The following TCF20 variants were observed in gnomAD, a reference collection of about 807,000 sequenced individuals.
The protein encoded by TCF20 is transcription factor 20.
TCF20 carries 3 observed loss-of-function variants against 148.6 expected under a neutral mutation model. The ratio of observed to expected loss-of-function variants is 0.02; its 90% CI spans 0.01 to 0.05. The LOEUF (loss-of-function observed/expected upper bound fraction) is 0.05. Ranked by LOEUF, TCF20 falls within the 10% of genes least tolerant of loss-of-function variation. The probability of loss-of-function intolerance (pLI) is 1.00; values close to 1 mark genes in which losing one functional copy is unlikely to be tolerated. For missense variants in TCF20, 2,350 were observed against 2,429.3 expected (o/e 0.97, Z 0.69); for synonymous variants, 1,049 against 909.5 (o/e 1.15, Z -2.76).
intron 1 of TCF20, among the ~76,000 whole-genome samples, chr22:42,225,025 A>T (rs1922744400): frequency 7.2e-6 from 1 of 139,244 alleles, no homozygotes; most frequent in South Asian, 2.3e-4. Flanking sequence ...TTTGAGACAG[A>T]GTCTTACACT....
At chr22:42,227,803 C>T (rs1923048642) in intron 1 of TCF20, among the ~76,000 whole-genome samples, 2 of 152,184 alleles carry the variant, frequency 1.3e-5, no homozygotes, top group African/African-American at 4.8e-5. Context: ...CAATACCAGA[C>T]ACATGGTGCT....
upstream of TCF20, among the ~76,000 whole-genome samples, chr22:42,272,372 C>A (rs1926655089): frequency 6.6e-6 from 1 of 152,176 alleles, no homozygotes; most frequent in Non-Finnish European, 1.5e-5. Flanking sequence ...GTGTTGGGGG[C>A]ACCCTTAATT....
Position 42,211,451 on chromosome 22 carries a change from A to G in TCF20, c.3855T>C (p.Leu1285=), listed in dbSNP as rs1920961292. Residue 1285 remains leucine, a synonymous_variant, in exon 2 of 6, where the codon CTT becomes CTC. Transcript: ENST00000677622. ...TATCAGCGCCTTCTTTTGATGAGTG[A>G]AGGAGGCGACCTTTATCTTCAGTGC... The part of the protein sequence containing the change: ...NSSTEDKGRL[L]HSSKEGADKA... 1.9e-6 allele frequency: 3 copies of G among 1,614,046 alleles called. No individual in the cohort carries two copies. The highest frequency in any genetic ancestry group is 2.2e-5 in the East Asian group (1 of 44,892).
At chr22:42,229,404 T>A (rs1923198354) in intron 1 of TCF20, among the ~76,000 whole-genome samples, 1 of 152,228 alleles carries the variant, frequency 6.6e-6, no homozygotes, top group South Asian at 2.1e-4. Flanking sequence ...GTAACTTCCA[T>A]AAACAGCAAA....
intron 2 of TCF20, among the ~76,000 whole-genome samples, chr22:42,206,363 C>T (rs189502274): frequency 6.6e-6 from 1 of 152,198 alleles, no homozygotes; most frequent in Admixed American, 6.5e-5. Flanking sequence ...CCAGACCAGC[C>T]TGGCCAACAT....
intron 5 of TCF20, among the ~76,000 whole-genome samples, chr22:42,166,797 A>C (rs1569095731): frequency 6.6e-6 from 1 of 152,146 alleles, no homozygotes; most frequent in Non-Finnish European, 1.5e-5. Flanking sequence ...CTCTTTCCTT[A>C]ACCAGGTCTT....
chr22:42,245,409 C>T (rs964968722), intron 1 of TCF20, among the ~76,000 whole-genome samples: 3 of 152,122 alleles, frequency 2.0e-5, no homozygotes, highest in Non-Finnish European at 2.9e-5. Context: ...CTACTCATCT[C>T]GGCCCTGCAA....
chr22:42,277,539 G>A (rs1393195069), intron 1 of TCF20, among the ~76,000 whole-genome samples: 2 of 152,172 alleles, frequency 1.3e-5, no homozygotes, highest in Admixed American at 1.3e-4. Context: ...CAGAGGGCAC[G>A]GCATGGGCAA....
intron 1 of TCF20, among the ~76,000 whole-genome samples, chr22:42,315,525 C>G (rs902913644): frequency 1.3e-5 from 2 of 152,226 alleles, no homozygotes; most frequent in Non-Finnish European, 2.9e-5. Flanking sequence ...ATTCACTCAA[C>G]AAACTTTCAC....
upstream of TCF20, among the ~76,000 whole-genome samples, chr22:42,273,226 G>T (rs557751029): frequency 6.6e-6 from 1 of 151,830 alleles, no homozygotes; most frequent in South Asian, 2.1e-4. Flanking sequence ...TGGGCGTGGT[G>T]GCGGGCGCCT....
chr22:42,336,565 C>T (rs1928071499), intron 1 of TCF20, among the ~76,000 whole-genome samples: 1 of 152,158 alleles, frequency 6.6e-6, no homozygotes, highest in Non-Finnish European at 1.5e-5. Flanking sequence ...AAACCTGCTA[C>T]TGAGACCCTC....
intron 1 of TCF20, among the ~76,000 whole-genome samples, chr22:42,315,023 T>C (rs1051014095): frequency 1.3e-5 from 2 of 151,838 alleles, no homozygotes; most frequent in Non-Finnish European, 2.9e-5. Context: ...AAGTAAGAGG[T>C]GGCAGGAAAT....
At chr22:42,208,260 T>G (rs1428030376) in intron 2 of TCF20, among the ~76,000 whole-genome samples, 5 of 152,130 alleles carry the variant, frequency 3.3e-5, no homozygotes. Context: ...TGATTATTCT[T>G]TAAAAGTCAG....
In TCF20 at chr22:42,317,450, C is replaced by T. The variant is rs1569208121; in HGVS notation, c.-37+26029G>A. Among the ~76,000 whole-genome samples the T allele has an allele frequency of 1.3e-5, 2 of 152,174 alleles. No homozygotes were observed. Among genetic ancestry groups the T allele is most frequent in the Non-Finnish European group, 2.9e-5 (2 of 68,030 alleles). On this transcript the variant is annotated intron_variant, in intron 1 of 1. Transcript: ENST00000515426. The surrounding 1 kb of genome is among the most constrained non-coding windows in gnomAD (Gnocchi z 4.2). ...ACAGATGACGGAAAATCTCCTTTTC[C>T]TCCCACTATGTCTGGCCCACCAAGC...
chr22:42,230,021 C>T (rs1923255426), intron 1 of TCF20, among the ~76,000 whole-genome samples: 1 of 152,228 alleles, frequency 6.6e-6, no homozygotes, highest in Non-Finnish European at 1.5e-5. Context: ...TGCATTTCAG[C>T]ATCTTACTGA....
rs1407704082 is a variant in TCF20 at position 42,250,914 on chromosome 22, A to AAG, written c.-37+19423_-37+19424dup. ...GCACATCACATGATGAGGACTGAGC[A>AAG]AGAGAGAGTGTGAGGTGCCACACTT... is the stretch of plus-strand genomic sequence containing the variant. On this transcript the variant is annotated intron_variant, in intron 1 of 5. Transcript: ENST00000677622. 2.6e-5 allele frequency among the ~76,000 whole-genome samples: 4 copies of AAG among 152,332 alleles called. No homozygotes were observed. The South Asian group carries it at 6.2e-4, about 24-fold the overall frequency.
intron 2 of TCF20, among the ~76,000 whole-genome samples, chr22:42,180,653 C>T (rs1936725297): frequency 6.6e-6 from 1 of 152,110 alleles, no homozygotes; most frequent in African/African-American, 2.4e-5. Flanking sequence ...TGGCTCAGGC[C>T]CCCGACACAG....
intron 1 of TCF20, among the ~76,000 whole-genome samples, chr22:42,293,002 T>G (rs1191913622): frequency 1.3e-5 from 2 of 149,036 alleles, no homozygotes; most frequent in South Asian, 2.1e-4. Context: ...GGCCAGGGAG[T>G]GGGGCCCAGC....
At chr22:42,203,606 C>T (rs2076252572) in intron 2 of TCF20, among the ~76,000 whole-genome samples, 1 of 152,174 alleles carries the variant, frequency 6.6e-6, no homozygotes, top group African/African-American at 2.4e-5. Context: ...AGATATACCA[C>T]ACAGTGTTAA....
Sources: allele counts gnomAD v4.1 joint callset (sites outside exome capture counted in the v4.1 genomes callset), GRCh38; gene constraint gnomAD v4.1.1; non-coding constraint Gnocchi (gnomAD v3.1); transcripts MANE v1.5; gene names NCBI Gene and HGNC (gene_info 2026-07-23, HGNC 2026-07-21).